KIF7: variants seen among roughly 807,000 people sequenced by gnomAD.
The protein encoded by KIF7 is kinesin family member 7.
A neutral mutation model predicts 135.7 loss-of-function variants in KIF7; 104 were observed. The observed-to-expected ratio is 0.77, with a 90% CI of 0.65 to 0.90. The LOEUF is 0.90. Ranked by LOEUF, KIF7 falls within the 40% of genes least tolerant of loss-of-function variation. The pLI is 0.00. For missense variants in KIF7, 2,005 were observed against 1,839.1 expected, an observed-to-expected ratio of 1.09 and a Z score of -1.65; for synonymous variants, 883 against 809.4, an observed-to-expected ratio of 1.09 and a Z score of -1.54.
chr15:89,620,176 A>G lies in KIF7; in HGVS notation c.181-1981T>C, dbSNP rs555097358. ...CTGTGTTTACGTTCTTCATTCTTCTATCCATGGTTAGCTTGCTAATAGATT... is the reference window on the plus strand; with the variant it reads ...CTGTGTTTACGTTCTTCATTCTTCTGTCCATGGTTAGCTTGCTAATAGATT... On this transcript the variant is annotated intron_variant and NMD_transcript_variant, in intron 1 of 2. Coordinates refer to the KIF7 transcript ENST00000558928. 3.9e-5 allele frequency among the ~76,000 whole-genome samples: 6 copies of G among 152,204 alleles called. No individual in the cohort carries two copies. The South Asian group carries it at 6.2e-4, about 16-fold the overall frequency.
At position 89,631,724 on chromosome 15, in the gene KIF7, C is replaced by T. The variant is rs9672296; in HGVS notation, c.2896-14G>A. The T allele has an allele frequency of 0.56, 865,778 of 1,542,734 alleles. 246,102 individuals are homozygous for T. The highest frequency in any genetic ancestry group is 0.59 in the Non-Finnish European group (668,159 of 1,141,346). ...CTCGTTGAGGGCCTGGGGGCAGAATCACCAGGGATTAGAGAAGGAACAGGC... is the reference window on the plus strand; with the variant it reads ...CTCGTTGAGGGCCTGGGGGCAGAATTACCAGGGATTAGAGAAGGAACAGGC... On this transcript the variant is annotated splice_polypyrimidine_tract_variant and intron_variant, in intron 14 of 18. Coordinates refer to ENST00000394412, the MANE Select transcript of KIF7 (RefSeq NM_198525.3).
At chr15:89,649,648 G>T in intron 3 of KIF7, 93 bp downstream of exon 3, 3 of 1,371,224 alleles carry the variant, frequency 2.2e-6, no homozygotes, top group Non-Finnish European at 3.0e-6. Context: ...TCCATGAGGA[G>T]TTGCCATTCC....
At chr15:89,618,409 TA>T (rs1488929252) in intron 1 of KIF7, among the ~76,000 whole-genome samples, 1 of 152,218 alleles carries the variant, frequency 6.6e-6, no homozygotes, top group African/African-American at 2.4e-5. Flanking sequence ...GGAAAAGAAA[TA>T]TTTTTGCACA....
At chr15:89,638,557 GAA>G (rs1567062147) in intron 11 of KIF7, among the ~76,000 whole-genome samples, 4,175 of 151,746 alleles carry the variant, frequency 0.028, 186 homozygotes, top group African/African-American at 0.096. Flanking sequence ...GCTTCAAAGA[GAA>G]TAAAATACCT....
chr15:89,619,769 C>T lies in KIF7; in HGVS notation c.181-1574G>A. The stretch of plus-strand genomic sequence containing the variant: ...TGTCATTTAGCAGGACACATTCTGC[C>T]TCCTTCTATTCTGTGTCTCAGCCGA... On this transcript the variant is annotated intron_variant and NMD_transcript_variant, in intron 1 of 2. Coordinates refer to the KIF7 transcript ENST00000558928. 2.5e-6 allele frequency: 4 copies of T among 1,613,904 alleles called. No homozygotes were observed. In the African/African-American group the frequency reaches 4.0e-5, roughly 16 times the overall value.
upstream of KIF7, among the ~76,000 whole-genome samples, chr15:89,659,510 A>G (rs1964238215): frequency 6.7e-6 from 1 of 149,490 alleles, no homozygotes; most frequent in South Asian, 2.2e-4. Flanking sequence ...AGAAGGAAGG[A>G]AGGAGGGAGG....
intron 1 of KIF7, among the ~76,000 whole-genome samples, chr15:89,653,345 C>T (rs140986672): frequency 1.4e-3 from 213 of 152,328 alleles, no homozygotes; most frequent in African/African-American, 4.7e-3. Flanking sequence ...TGTCAAGTCA[C>T]TCACATCCCC....
Position 89,652,822 on chromosome 15 carries a change from A to T in KIF7, c.109T>A (p.Cys37Ser). ...CCAAGCCCTGGCTCCACCTGCAGGC[A>T]GCTCTGATGCCCGTGCAGCAGCTCC... The part of the protein sequence containing the change: ...PKELLHGHQS[C>S]LQVEPGLGRV... Residue 37 changes from cysteine (C) to serine (S), a missense_variant, in exon 2 of 19, where the codon TGC becomes AGC. Transcript: ENST00000394412. 1 of 1,550,716 alleles carries T rather than the reference A, an allele frequency of 6.4e-7. No homozygotes were observed. Among genetic ancestry groups the T allele is most frequent in the Non-Finnish European group, 8.7e-7 (1 of 1,146,780 alleles).
chr15:89,628,271 C>G lies in KIF7; in HGVS notation c.*148G>C. The G allele has an allele frequency of 1.0e-6, 1 of 993,758 alleles. No homozygotes were observed. 61.6% of individuals were successfully genotyped at this position (993,758 alleles called of 1,614,324 possible). A position where few individuals can be genotyped will look rare whatever the true frequency, so the allele number is the denominator to read the frequency against. ...AGGGTCCAGTTCTTTTGGGCCATGG[C>G]CCAAATTTGTTGATCCCAGTGAGGG... is the stretch of plus-strand genomic sequence containing the variant. On this transcript the variant is annotated 3_prime_UTR_variant, in exon 19 of 19. Coordinates refer to ENST00000394412, the MANE Select transcript of KIF7 (RefSeq NM_198525.3).
upstream of KIF7, among the ~76,000 whole-genome samples, chr15:89,659,841 A>G (rs1434519451): frequency 6.6e-6 from 1 of 152,238 alleles, no homozygotes; most frequent in Non-Finnish European, 1.5e-5. Flanking sequence ...TCCCACTCTT[A>G]GTCATATTCC....
At chr15:89,650,112 C>T (rs1440410452) in intron 2 of KIF7, 171 bp from the exon 3 acceptor site, 27 of 652,236 alleles carry the variant, frequency 4.1e-5, no homozygotes, top group Non-Finnish European at 6.2e-5. Flanking sequence ...CATGCTCCAG[C>T]GTGGTCAGGC....
intron 15 of KIF7, chr15:89,630,766 C>T (rs1963656727): frequency 1.7e-5 from 9 of 544,828 alleles, no homozygotes; most frequent in Middle Eastern, 4.9e-4. Flanking sequence ...CCTAACCAAA[C>T]AAAAGGCATG....
At chr15:89,624,375 C>T, downstream of KIF7, 1 of 1,614,106 alleles carries the variant, frequency 6.2e-7, no homozygotes, top group South Asian at 1.1e-5. Context: ...CTCTCTCCTG[C>T]CCTGTTCCCT....
In KIF7 at chr15:89,648,509, C is replaced by T. The variant is rs535621809; in HGVS notation, c.1189G>A (p.Ala397Thr). The change falls in exon 5 of 19, where the codon GCC (alanine) becomes ACC (threonine). Residue 397 changes from alanine (A) to threonine (T), a missense_variant. Ala to Thr is a moderately conservative substitution (Grantham distance 58, BLOSUM62 0). Coordinates refer to ENST00000394412, the MANE Select transcript of KIF7 (RefSeq NM_198525.3). Reference protein sequence around the residue: ...RGRRAPGPATASAAAAMRLGA... With the variant: ...RGRRAPGPATTSAAAAMRLGA... Reference sequence around the variant, plus strand: ...AGGCGCATGGCGGCCGCCGCGGAGGCGGTGGCTGGGCCTGGGGCGCGCCGG... The same window carrying T: ...AGGCGCATGGCGGCCGCCGCGGAGGTGGTGGCTGGGCCTGGGGCGCGCCGG... 1.7e-3 allele frequency: 1,846 copies of T among 1,067,280 alleles called. 30 individuals carry two copies. The African/African-American group carries it at 0.029, about 17-fold the overall frequency. 66.1% of individuals were successfully genotyped at this position (1,067,280 alleles called of 1,614,324 possible).
chr15:89,658,538 C>T (rs1216159923), upstream of KIF7, among the ~76,000 whole-genome samples: 1 of 151,738 alleles, frequency 6.6e-6, no homozygotes, highest in Non-Finnish European at 1.5e-5. Context: ...AATTGGATTC[C>T]TACTTAAACC....
At chr15:89,645,766 T>C (rs965538551) in intron 8 of KIF7, 127 bp downstream of exon 8, 3 of 1,319,594 alleles carry the variant, frequency 2.3e-6, no homozygotes, top group African/African-American at 1.5e-5. Context: ...CAGGGCAACA[T>C]GAGGGCATCC....
At chr15:89,639,134 A>T (rs1963869138) in intron 11 of KIF7, among the ~76,000 whole-genome samples, 1 of 152,122 alleles carries the variant, frequency 6.6e-6, no homozygotes, top group Non-Finnish European at 1.5e-5. Context: ...TTATACAAAA[A>T]TCAATTCAAG....
At chr15:89,619,283 T>C in intron 1 of KIF7, among the ~76,000 whole-genome samples, 1 of 138,610 alleles carries the variant, frequency 7.2e-6, no homozygotes, top group Non-Finnish European at 1.5e-5. Context: ...TGGAGTGCAC[T>C]GGCATGCTCT....
intron 11 of KIF7, among the ~76,000 whole-genome samples, chr15:89,637,691 C>G (rs375335423): frequency 0.27 from 35,663 of 133,464 alleles, 4,780 homozygotes; most frequent in South Asian, 0.35. Flanking sequence ...GCTTACCAAC[C>G]AAAAAAAGTC....
Sources: allele counts gnomAD v4.1 joint callset (sites outside exome capture counted in the v4.1 genomes callset), GRCh38; gene constraint gnomAD v4.1.1; transcripts MANE v1.5; gene names NCBI Gene and HGNC (gene_info 2026-07-23, HGNC 2026-07-21).